FLT1: variants seen among roughly 807,000 people sequenced by gnomAD.
FLT1 encodes vascular endothelial growth factor receptor 1.
FLT1 carries 49 observed loss-of-function variants against 156.3 expected under a neutral mutation model. That is an observed-to-expected ratio of 0.31 (90% confidence interval 0.25 to 0.40). FLT1 has a LOEUF of 0.40. FLT1 is among the 10% of genes least tolerant of loss of function. The pLI is 1.00. For synonymous variants in FLT1, 594 were observed against 583.8 expected, an observed-to-expected ratio of 1.02 and a Z score of -0.25; for missense variants, 1,322 against 1,637.2, an observed-to-expected ratio of 0.81 and a Z score of 3.32.
At chr13:28,407,135 T>A (rs1214231716) in intron 10 of FLT1, among the ~76,000 whole-genome samples, 1 of 152,146 alleles carries the variant, frequency 6.6e-6, no homozygotes, top group East Asian at 1.9e-4. Flanking sequence ...ATTCACTCTG[T>A]CCCCATAGCT....
chr13:28,357,658 G>A lies in FLT1; in HGVS notation c.2144C>T (p.Thr715Met), dbSNP rs780795250. Residue 715 changes from threonine to methionine, a missense_variant, in exon 15 of 30, where the codon ACG becomes ATG. Transcript: ENST00000282397. Reference protein sequence around the residue: ...PGIILGPGSSTLFIERVTEED... With the variant: ...PGIILGPGSSMLFIERVTEED... Reference sequence around the variant, plus strand: ...TTCTGTGACTCTTTCAATAAACAGCGTGCTGCTTCCTGGTCCTAAAATAAT... The same window carrying A: ...TTCTGTGACTCTTTCAATAAACAGCATGCTGCTTCCTGGTCCTAAAATAAT... 12 of 1,613,420 alleles carry A rather than the reference G, an allele frequency of 7.4e-6. No individual in the cohort carries two copies. Among genetic ancestry groups the A allele is most frequent in the African/African-American group, 4.0e-5 (3 of 74,878 alleles).
intron 14 of FLT1, among the ~76,000 whole-genome samples, chr13:28,372,076 A>ATATTTT (rs1257431752): frequency 2.6e-4 from 3 of 11,764 alleles, no homozygotes; most frequent in African/African-American, 6.3e-4. Flanking sequence ...ATATATATAT[A>ATATTTT]TTTTTTTTTT....
At chr13:28,371,775 G>C (rs1236029232) in intron 14 of FLT1, among the ~76,000 whole-genome samples, 1 of 152,052 alleles carries the variant, frequency 6.6e-6, no homozygotes, top group East Asian at 1.9e-4. Flanking sequence ...TGGGTAGAAG[G>C]CATGAACAGA....
chr13:28,416,940 T>C (rs1002490390), intron 10 of FLT1, among the ~76,000 whole-genome samples: 6 of 152,166 alleles, frequency 3.9e-5, no homozygotes, highest in Non-Finnish European at 7.4e-5. Flanking sequence ...CCATGTAATG[T>C]TTTTTAAAAG....
rs138550392 is a variant in FLT1 at position 28,311,101 on chromosome 13, G to T, written c.3635+489C>A. On this transcript the variant is annotated intron_variant, in intron 27 of 29. Coordinates refer to ENST00000282397, the MANE Select transcript of FLT1 (RefSeq NM_002019.4). ...GCCTCCTGAGTAGCTGGGACTACAG[G>T]TGCCCACCACCACACCCGGCTAATT... Among the ~76,000 whole-genome samples the T allele has an allele frequency of 3.5e-3, 537 of 152,234 alleles. 3 individuals carry two copies. Among genetic ancestry groups the T allele is most frequent in the African/African-American group, 0.012 (514 of 41,542 alleles).
At chr13:28,350,690 A>G (rs1872710932) in intron 15 of FLT1, among the ~76,000 whole-genome samples, 1 of 152,084 alleles carries the variant, frequency 6.6e-6, no homozygotes, top group Non-Finnish European at 1.5e-5. Flanking sequence ...AAAAGACCAG[A>G]GCACCTTGTC....
chr13:28,303,831 T>C lies in FLT1; in HGVS notation c.3816-463A>G, dbSNP rs1246833191. The stretch of plus-strand genomic sequence containing the variant: ...AGTTGCCAAGTTAGTGGTAACTTGT[T>C]ACAACAGTCTCAAAAAACAATAAAG... On this transcript the variant is annotated intron_variant, in intron 29 of 29. Transcript: ENST00000282397. Among the ~76,000 whole-genome samples, 3 of 152,166 alleles carry C rather than the reference T, an allele frequency of 2.0e-5. No individual in the cohort carries two copies. In the East Asian group the frequency reaches 5.8e-4, roughly 29 times the overall value.
Position 28,397,022 on chromosome 13 carries a change from T to C in FLT1, c.1598A>G (p.Tyr533Cys). 1 of 1,614,004 alleles carries C rather than the reference T, an allele frequency of 6.2e-7. No individual in the cohort carries two copies. The highest frequency in any genetic ancestry group is 8.5e-7 in the Non-Finnish European group (1 of 1,179,872). Residue 533 changes from tyrosine to cysteine, a missense_variant, in exon 12 of 30, where the codon TAC becomes TGC. Physicochemically the swap from Tyr to Cys is radical, Grantham distance 194. This residue lies in a region of FLT1 where 991 missense variants were observed against 1,254.8 expected (regional missense o/e 0.79). Coordinates refer to ENST00000282397, the MANE Select transcript of FLT1 (RefSeq NM_002019.4). Reference sequence around the variant, plus strand: ...AACTTTATTGGAAGCTATGCAAATGTAGATTCCAGAAATTCTAGAGTCAGC... The same window carrying C: ...AACTTTATTGGAAGCTATGCAAATGCAGATTCCAGAAATTCTAGAGTCAGC... Reference protein sequence around the residue: ...VVADSRISGIYICIASNKVGT... With the variant: ...VVADSRISGICICIASNKVGT...
intron 3 of FLT1, among the ~76,000 whole-genome samples, chr13:28,458,072 C>A (rs1879366352): frequency 6.6e-6 from 1 of 151,504 alleles, no homozygotes; most frequent in Non-Finnish European, 1.5e-5. Flanking sequence ...GTAGCTGGGA[C>A]TATACACATG....
chr13:28,404,147 T>C (rs1218974084), intron 11 of FLT1, among the ~76,000 whole-genome samples: 2 of 152,188 alleles, frequency 1.3e-5, no homozygotes, highest in African/African-American at 2.4e-5. Context: ...TCAATAGCTA[T>C]ACATCACGGA....
intron 1 of FLT1, among the ~76,000 whole-genome samples, chr13:28,476,867 AT>A (rs1880579552): frequency 6.6e-6 from 1 of 152,180 alleles, no homozygotes; most frequent in Non-Finnish European, 1.5e-5. Context: ...TACAATTCAT[AT>A]TTTAATTGTC....
intron 25 of FLT1, among the ~76,000 whole-genome samples, chr13:28,314,062 G>A (rs1343536298): frequency 6.6e-6 from 1 of 152,142 alleles, no homozygotes; most frequent in Admixed American, 6.5e-5. Context: ...GTCAAGCATG[G>A]TGATGCATGC....
chr13:28,303,498 C>CCG lies in FLT1; in HGVS notation c.3816-131_3816-130insCG, dbSNP rs1555297832. The CCG allele has an allele frequency of 1.5e-5, 12 of 797,682 alleles. No homozygotes were observed. The East Asian group carries it at 2.7e-4, about 18-fold the overall frequency. 49.4% of individuals were successfully genotyped at this position (797,682 alleles called of 1,614,324 possible). A position where few individuals can be genotyped will look rare whatever the true frequency, so the allele number is the denominator to read the frequency against. On this transcript the variant is annotated intron_variant, in intron 29 of 29. Coordinates refer to ENST00000282397, the MANE Select transcript of FLT1 (RefSeq NM_002019.4). ...TAGAGTTCATGGTTTTGGAACCCCC[C>CCG]CCCCCTCAATTGCTGTCAGATTTCC...
chr13:28,432,093 A>G (rs1877717954), intron 6 of FLT1, among the ~76,000 whole-genome samples: 1 of 152,170 alleles, frequency 6.6e-6, no homozygotes, highest in African/African-American at 2.4e-5. Flanking sequence ...TGAGAAGACA[A>G]GATCACATTG....
intron 1 of FLT1, among the ~76,000 whole-genome samples, chr13:28,479,460 C>A (rs1412031967): frequency 6.6e-6 from 1 of 151,948 alleles, no homozygotes; most frequent in Non-Finnish European, 1.5e-5. Flanking sequence ...CTTAAGATAT[C>A]CTTCACGTAG....
intron 3 of FLT1, among the ~76,000 whole-genome samples, chr13:28,462,064 G>T (rs557596444): frequency 6.6e-6 from 1 of 152,282 alleles, no homozygotes; most frequent in South Asian, 2.1e-4. Flanking sequence ...TTTTTCAAGA[G>T]GAGATATTAT....
At chr13:28,462,418 C>A (rs776601170) in intron 3 of FLT1, among the ~76,000 whole-genome samples, 4 of 152,200 alleles carry the variant, frequency 2.6e-5, no homozygotes, top group Non-Finnish European at 4.4e-5. Flanking sequence ...ATGGCCCCAA[C>A]ATTACTGTTC....
Position 28,317,435 on chromosome 13 carries a change from C to G in FLT1, c.3386+63G>C, listed in dbSNP as rs1396112109. ...TCTAAGAATCCATAAAACATCCCCTCTCAGGAATGCCCTGGTGAAAAGCGA... is the reference window on the plus strand; with the variant it reads ...TCTAAGAATCCATAAAACATCCCCTGTCAGGAATGCCCTGGTGAAAAGCGA... On this transcript the variant is annotated intron_variant, in intron 25 of 29. Coordinates refer to ENST00000282397, the MANE Select transcript of FLT1 (RefSeq NM_002019.4). 11 of 1,031,054 alleles carry G rather than the reference C, an allele frequency of 1.1e-5. No homozygotes were observed. The Middle Eastern group carries it at 1.4e-3, about 133-fold the overall frequency. The allele number at this position is 1,031,054 out of a possible 1,614,324, so 63.9% of individuals were successfully genotyped here.
chr13:28,347,450 G>A (rs1379517816), intron 15 of FLT1, among the ~76,000 whole-genome samples: 1 of 152,102 alleles, frequency 6.6e-6, no homozygotes, highest in Non-Finnish European at 1.5e-5. Context: ...GAACCCAGGA[G>A]GCGGAGGTTG....
Sources: gnomAD v4.1 joint callset for allele counts (sites outside exome capture counted in the v4.1 genomes callset) on GRCh38, gnomAD v4.1.1 for gene constraint, gnomAD v4.1.1 regional missense constraint, MANE v1.5 for transcripts, NCBI Gene and HGNC (gene_info 2026-07-23, HGNC 2026-07-21) for gene names.